The following SPATA3 variants were observed in gnomAD, a reference collection of about 807,000 sequenced individuals.
SPATA3 encodes spermatogenesis-associated protein 3.
In SPATA3, 6 loss-of-function variants were observed where a neutral mutation model predicts 5.7. The ratio of observed to expected loss-of-function variants is 1.06; its 90% CI spans 0.58 to 2.09. The LOEUF is 2.09. Ranked by LOEUF, SPATA3 falls within the 30% of genes most tolerant of loss-of-function variation. SPATA3 has a pLI of 0.00. For missense variants in SPATA3, 155 were observed against 130.4 expected, an observed-to-expected ratio of 1.19 and a Z score of -0.92; for synonymous variants, 44 against 48.4, an observed-to-expected ratio of 0.91 and a Z score of 0.37.
chr2:231,006,000 CAAAAAA>C (rs35868663), downstream of SPATA3, among the ~76,000 whole-genome samples: 2 of 124,260 alleles, frequency 1.6e-5, no homozygotes, highest in African/African-American at 6.0e-5. Context: ...CTTGTCTCTA[CAAAAAA>C]AAAAAAAAAG....
chr2:231,017,848 C>T (rs937873570), intron 6 of SPATA3, among the ~76,000 whole-genome samples: 3 of 152,078 alleles, frequency 2.0e-5, no homozygotes, highest in Admixed American at 1.3e-4. Context: ...TCCTCTGAGA[C>T]CCCTTTATCT....
At chr2:231,003,886 G>A (rs1451671994), downstream of SPATA3, among the ~76,000 whole-genome samples, 1 of 152,216 alleles carries the variant, frequency 6.6e-6, no homozygotes, top group Non-Finnish European at 1.5e-5. Flanking sequence ...GAGGCTTGAA[G>A]AAGACATTGG....
exon 6 of SPATA3, chr2:231,014,025 G>A (rs10192428): frequency 0.44 from 66,191 of 151,604 alleles, 15,572 homozygotes; most frequent in African/African-American, 0.59. Flanking sequence ...ACTGCACCTC[G>A]AATAAAGGCC....
downstream of SPATA3, among the ~76,000 whole-genome samples, chr2:231,011,087 A>G (rs1462585254): frequency 1.4e-5 from 2 of 145,858 alleles, no homozygotes; most frequent in African/African-American, 2.7e-5. Flanking sequence ...AAAAAAAAAA[A>G]AAGAAAAGAA....
At chr2:231,005,262 T>C (rs1305056797), downstream of SPATA3, among the ~76,000 whole-genome samples, 19 of 14,966 alleles carry the variant, frequency 1.3e-3, no homozygotes, top group South Asian at 3.3e-3. Context: ...ACCATCATCA[T>C]TACCATCATC....
chr2:231,005,319 T>C (rs111214493), downstream of SPATA3, among the ~76,000 whole-genome samples: 33 of 14,182 alleles, frequency 2.3e-3, no homozygotes, highest in South Asian at 8.1e-3. Context: ...ACCACCATCA[T>C]CATCACCATC....
rs1692300888 is a variant in SPATA3, at chr2:231,000,365, G to A, written c.791-1G>A. The A allele has an allele frequency of 2.0e-6, 3 of 1,492,072 alleles. No individual in the cohort carries two copies. Among genetic ancestry groups the A allele is most frequent in the African/African-American group, 2.8e-5 (2 of 71,570 alleles). 92.4% of individuals were successfully genotyped at this position (1,492,072 alleles called of 1,614,324 possible). A position where few individuals can be genotyped will look rare whatever the true frequency, so the allele number is the denominator to read the frequency against. On this transcript the variant is annotated splice_acceptor_variant, in intron 1 of 2. Coordinates refer to ENST00000645363, the Ensembl canonical transcript of SPATA3. LOFTEE classifies it high-confidence loss of function. ...TCACCTCTCTCCTTCTGTCCCCACA[G>A]GGCCTCTGATTCGCGCCGGCCCGCA...
chr2:231,000,084 C>A (rs925813746), intron 1 of SPATA3, among the ~76,000 whole-genome samples: 1 of 152,206 alleles, frequency 6.6e-6, no homozygotes, highest in Non-Finnish European at 1.5e-5. Context: ...TTGTTGTCGT[C>A]GCTGTTGCTA....
chr2:231,019,601 G>A (rs144747418), intron 6 of SPATA3: 9,536 of 151,276 alleles, frequency 0.063, 860 homozygotes, highest in African/African-American at 0.18. Flanking sequence ...TGGGATTACA[G>A]GCGTGAGCCA....
Position 231,019,123 on chromosome 2 carries a change from C to CTT in SPATA3, c.*566-597_*566-596insTT, listed in dbSNP as rs1559203971. On this transcript the variant is annotated intron_variant, in intron 6 of 8. Transcript: ENST00000452881. ...CTGCGACTACAGGCGCCCGCCACAA[C>CTT]GCTTGGCTAATTTTTTTTTGTATTT... Among the ~76,000 whole-genome samples the CTT allele has an allele frequency of 3.0e-4, 36 of 119,884 alleles. 1 individual carries two copies. Among genetic ancestry groups the CTT allele is most frequent in the African/African-American group, 1.2e-3 (34 of 29,148 alleles). The allele number at this position is 119,884 out of a possible 152,430, so 78.6% of individuals were successfully genotyped here. A position where few individuals can be genotyped will look rare whatever the true frequency, so the allele number is the denominator to read the frequency against.
chr2:231,000,856 G>C, intron 2 of SPATA3, among the ~76,000 whole-genome samples: 1 of 152,090 alleles, frequency 6.6e-6, no homozygotes, highest in Non-Finnish European at 1.5e-5. Flanking sequence ...CTCCCCCTCA[G>C]CCCTTCACAG....
At chr2:231,006,239 C>T (rs1335337376), downstream of SPATA3, among the ~76,000 whole-genome samples, 5 of 148,132 alleles carry the variant, frequency 3.4e-5, no homozygotes, top group Admixed American at 1.4e-4. Flanking sequence ...TGGTGGCTCA[C>T]GCCTGTAATC....
chr2:231,011,072 C>CAAA (rs556496371), downstream of SPATA3, among the ~76,000 whole-genome samples: 344 of 79,820 alleles, frequency 4.3e-3, 13 homozygotes, highest in African/African-American at 0.017. Flanking sequence ...GACCCTGTCT[C>CAAA]AAAAAAAAAA....
intron 1 of SPATA3, 93 bp downstream of exon 1, chr2:230,996,627 T>C (rs1338889555): frequency 7.1e-7 from 1 of 1,416,106 alleles, no homozygotes; most frequent in Non-Finnish European, 9.5e-7. Flanking sequence ...TAGTGATGCA[T>C]GGTTAACGTG....
downstream of SPATA3, among the ~76,000 whole-genome samples, chr2:231,011,072 C>CAAAAA (rs556496371): frequency 1.4e-4 from 11 of 79,834 alleles, 1 homozygote; most frequent in South Asian, 4.9e-4. Context: ...GACCCTGTCT[C>CAAAAA]AAAAAAAAAA....
At chr2:231,010,826 G>T (rs1692761632), downstream of SPATA3, among the ~76,000 whole-genome samples, 1 of 151,702 alleles carries the variant, frequency 6.6e-6, no homozygotes, top group South Asian at 2.1e-4. Flanking sequence ...CCAGCGTTTT[G>T]GGAGGCCAAG....
At chr2:231,011,629 G>T (rs1692791230), downstream of SPATA3, among the ~76,000 whole-genome samples, 1 of 134,512 alleles carries the variant, frequency 7.4e-6, no homozygotes. Flanking sequence ...TGGCCATGAA[G>T]CCTGGCACCC....
chr2:231,002,603 C>T, intron 2 of SPATA3, 81 bp from the exon 3 acceptor site: 1 of 830,496 alleles, frequency 1.2e-6, no homozygotes, highest in Non-Finnish European at 1.8e-6. Flanking sequence ...GAGGGGGCCA[C>T]ATAATTTCCA....
At chr2:231,006,413 G>A (rs1394199882), downstream of SPATA3, among the ~76,000 whole-genome samples, 2 of 151,556 alleles carry the variant, frequency 1.3e-5, no homozygotes, top group Non-Finnish European at 2.9e-5. Flanking sequence ...TGAGGCAGGA[G>A]AATGGTGTGC....
Sources: allele counts gnomAD v4.1 joint callset (sites outside exome capture counted in the v4.1 genomes callset), GRCh38; gene constraint gnomAD v4.1.1; transcripts MANE v1.5; gene names NCBI Gene and HGNC (gene_info 2026-07-23, HGNC 2026-07-21).